TRAPPC3L: variants seen among roughly 807,000 people sequenced by gnomAD.
TRAPPC3L encodes trafficking protein particle complex subunit 3-like protein.
A neutral mutation model predicts 23.7 loss-of-function variants in TRAPPC3L; 23 were observed. The ratio of observed to expected loss-of-function variants is 0.97; its 90% CI spans 0.70 to 1.37. The LOEUF (loss-of-function observed/expected upper bound fraction) is 1.37, where lower values mean the gene tolerates loss of function less well. Among genes scored for constraint, TRAPPC3L ranks in the 40% most tolerant of loss-of-function variants. TRAPPC3L has a pLI of 0.00. For synonymous variants in TRAPPC3L, 81 were observed against 77.9 expected (o/e 1.04, Z -0.21); for missense variants, 212 against 216.8 (o/e 0.98, Z 0.14).
chr6:116,507,771 C>G (rs530601777), intron 3 of TRAPPC3L, among the ~76,000 whole-genome samples: 3 of 151,518 alleles, frequency 2.0e-5, no homozygotes, highest in African/African-American at 7.2e-5. Flanking sequence ...TGGTGGGAGG[C>G]GCATAAATGA....
At chr6:116,511,951 G>C in intron 3 of TRAPPC3L, 1 of 1,613,944 alleles carries the variant, frequency 6.2e-7, no homozygotes, top group Non-Finnish European at 8.5e-7. Context: ...TGAATCCCAG[G>C]AAAATCTTTC....
chr6:116,541,859 A>G (rs1362864251), intron 2 of TRAPPC3L, among the ~76,000 whole-genome samples: 1 of 152,204 alleles, frequency 6.6e-6, no homozygotes, highest in Non-Finnish European at 1.5e-5. Context: ...ATGTTTCTGC[A>G]AAGTAGATAT....
chr6:116,508,695 C>T (rs1002358805), intron 3 of TRAPPC3L, among the ~76,000 whole-genome samples: 2 of 152,090 alleles, frequency 1.3e-5, no homozygotes. Context: ...AAAATTTGAT[C>T]TCTAACACTA....
At chr6:116,535,406 A>G (rs140164585) in intron 3 of TRAPPC3L, among the ~76,000 whole-genome samples, 4 of 152,346 alleles carry the variant, frequency 2.6e-5, no homozygotes, top group East Asian at 3.9e-4. Flanking sequence ...TGTCCAAACT[A>G]CTTTCAAAAG....
At chr6:116,538,704 T>C (rs1025335622) in intron 3 of TRAPPC3L, among the ~76,000 whole-genome samples, 1 of 152,048 alleles carries the variant, frequency 6.6e-6, no homozygotes, top group Non-Finnish European at 1.5e-5. Context: ...GCCTTATTAA[T>C]TTGCAAGACA....
rs141731373 is a variant in TRAPPC3L, at chr6:116,498,947, C to A, written c.426+1534G>T. 7.8e-4 allele frequency among the ~76,000 whole-genome samples: 119 copies of A among 152,252 alleles called. 1 individual carries two copies. Among genetic ancestry groups the A allele is most frequent in the African/African-American group, 2.8e-3 (116 of 41,536 alleles). ...GCTCTACAGACTCTGCCTAGGCATT[C>A]TTTTCCTATTCTAATGCTTCTTCAA... On this transcript the variant is annotated intron_variant, in intron 4 of 4. Coordinates refer to ENST00000368602, the MANE Select transcript of TRAPPC3L (RefSeq NM_001139444.3).
rs547255196 is a variant in TRAPPC3L, at chr6:116,501,057, A to G, written c.241-391T>C. On this transcript the variant is annotated intron_variant, in intron 3 of 4. Transcript: ENST00000368602. ...GGGCATCGCCTCATGTGGGAAGTGC[A>G]AGGGATCAGGGAATTTCCCTTTCCT... Among the ~76,000 whole-genome samples the G allele has an allele frequency of 4.4e-4, 67 of 152,290 alleles. 1 individual carries two copies. In the South Asian group the frequency reaches 0.013, roughly 31 times the overall value.
At chr6:116,523,161 G>A (rs1772376986) in intron 3 of TRAPPC3L, 1 of 152,006 alleles carries the variant, frequency 6.6e-6, no homozygotes, top group African/African-American at 2.4e-5. Flanking sequence ...CAGGCTGTAA[G>A]AAACTCAGAA....
At chr6:116,515,137 G>C (rs1772197692) in intron 3 of TRAPPC3L, among the ~76,000 whole-genome samples, 2 of 151,976 alleles carry the variant, frequency 1.3e-5, no homozygotes, top group South Asian at 4.1e-4. Context: ...CTTTTCCATG[G>C]ACAGTAAGTA....
chr6:116,505,538 C>CA (rs1771988291), intron 3 of TRAPPC3L, among the ~76,000 whole-genome samples: 1 of 152,068 alleles, frequency 6.6e-6, no homozygotes, highest in African/African-American at 2.4e-5. Flanking sequence ...CATATGGAAC[C>CA]AAAAAAGAGC....
At chr6:116,500,364 A>T in intron 4 of TRAPPC3L, 117 bp downstream of exon 4, 1 of 927,410 alleles carries the variant, frequency 1.1e-6, no homozygotes, top group South Asian at 1.9e-5. Flanking sequence ...GTAATTTGTA[A>T]CACACCATTA....
Position 116,512,378 on chromosome 6 carries a change from T to C in TRAPPC3L, c.241-11712A>G, listed in dbSNP as rs955988189. ...CTGAAACATGATGCAGCATTGAGACTATCTCAGGAAAAGCTTTTGAAAGGC... is the reference window on the plus strand; with the variant it reads ...CTGAAACATGATGCAGCATTGAGACCATCTCAGGAAAAGCTTTTGAAAGGC... On this transcript the variant is annotated intron_variant, in intron 3 of 4. Coordinates refer to ENST00000368602, the MANE Select transcript of TRAPPC3L (RefSeq NM_001139444.3). 18 of 964,298 alleles carry C rather than the reference T, an allele frequency of 1.9e-5. No individual in the cohort carries two copies. The South Asian group carries it at 3.0e-4, about 16-fold the overall frequency. The allele number at this position is 964,298 out of a possible 1,614,324, so 59.7% of individuals were successfully genotyped here. A position where few individuals can be genotyped will look rare whatever the true frequency, so the allele number is the denominator to read the frequency against.
intron 3 of TRAPPC3L, among the ~76,000 whole-genome samples, chr6:116,526,801 T>C (rs1175688394): frequency 6.6e-6 from 1 of 152,254 alleles, no homozygotes; most frequent in East Asian, 1.9e-4. Flanking sequence ...TAAAGAATTT[T>C]ATTGTAAATA....
At chr6:116,544,131 A>G (rs1382755873) in intron 1 of TRAPPC3L, among the ~76,000 whole-genome samples, 2 of 142,908 alleles carry the variant, frequency 1.4e-5, no homozygotes, top group Non-Finnish European at 3.1e-5. Flanking sequence ...GCTACAGCAT[A>G]AAGATAAGCA....
chr6:116,511,381 G>A lies in TRAPPC3L; in HGVS notation c.241-10715C>T, dbSNP rs367703231. On this transcript the variant is annotated intron_variant, in intron 3 of 4. Coordinates refer to ENST00000368602, the MANE Select transcript of TRAPPC3L (RefSeq NM_001139444.3). ...CTGGAAAATTCCTAGACTATTATTT[G>A]TATGAGTGAGAATTTCTTTTCTGAT... Among the ~76,000 whole-genome samples the A allele has an allele frequency of 3.3e-5, 5 of 152,080 alleles. No homozygotes were observed. In the East Asian group the frequency reaches 9.7e-4, roughly 29 times the overall value.
At chr6:116,538,212 C>A (rs867222599) in intron 3 of TRAPPC3L, among the ~76,000 whole-genome samples, 1 of 152,148 alleles carries the variant, frequency 6.6e-6, no homozygotes, top group South Asian at 2.1e-4. Context: ...TTGCCCTCAG[C>A]GCTAATAATA....
intron 3 of TRAPPC3L, among the ~76,000 whole-genome samples, chr6:116,526,080 A>G (rs768458041): frequency 6.6e-5 from 10 of 152,192 alleles, no homozygotes; most frequent in Non-Finnish European, 1.5e-4. Context: ...AAAGAAATAT[A>G]TGCTTACAAA....
At chr6:116,497,511 T>C (rs1459306057) in intron 4 of TRAPPC3L, among the ~76,000 whole-genome samples, 1 of 152,218 alleles carries the variant, frequency 6.6e-6, no homozygotes, top group Non-Finnish European at 1.5e-5. Context: ...AATAACATAA[T>C]CACTTATCCT....
chr6:116,538,315 T>C (rs1425311431), intron 3 of TRAPPC3L, among the ~76,000 whole-genome samples: 1 of 152,238 alleles, frequency 6.6e-6, no homozygotes, highest in African/African-American at 2.4e-5. Context: ...ATTTACGGTA[T>C]TGAGCATATT....
Sources: allele counts gnomAD v4.1 joint callset (sites outside exome capture counted in the v4.1 genomes callset), GRCh38; gene constraint gnomAD v4.1.1; transcripts MANE v1.5; gene names NCBI Gene and HGNC (gene_info 2026-07-23, HGNC 2026-07-21).